PPFIA3: variants seen among roughly 807,000 people sequenced by gnomAD.
The protein encoded by PPFIA3 is liprin-alpha-3.
PPFIA3 carries 26 observed loss-of-function variants against 145.8 expected under a neutral mutation model. The observed-to-expected ratio is 0.18, with a 90% CI of 0.13 to 0.25. The LOEUF (loss-of-function observed/expected upper bound fraction) is 0.25. Among genes scored for constraint, PPFIA3 ranks in the 10% least tolerant of loss-of-function variants. PPFIA3 has a pLI of 1.00. For missense variants in PPFIA3, 1,008 were observed against 1,587.8 expected, an observed-to-expected ratio of 0.63 and a Z score of 6.21; for synonymous variants, 645 against 661.4, an observed-to-expected ratio of 0.98 and a Z score of 0.38.
chr19:49,128,940 G>T lies in PPFIA3; in HGVS notation c.435G>T (p.Gly145=), dbSNP rs773674031. ...VVKRQAQSPG[G]VSSEVEVLKA... Reference sequence around the variant, plus strand: ...AGCGCCAGGCCCAGTCCCCGGGTGGGGTCTCCTCGGAGGTAGAAGTGCTCA... The same window carrying T: ...AGCGCCAGGCCCAGTCCCCGGGTGGTGTCTCCTCGGAGGTAGAAGTGCTCA... The change falls in exon 4 of 30, where the codon GGG becomes GGT. Residue 145 remains glycine (G), a synonymous_variant. Coordinates refer to ENST00000334186, the MANE Select transcript of PPFIA3 (RefSeq NM_003660.4). This position sits in a 1 kb window ranked among gnomAD's most constrained non-coding sequence, Gnocchi z 4.1. 6.2e-7 allele frequency: 1 copy of T among 1,613,928 alleles called. No individual in the cohort carries two copies. Among genetic ancestry groups the T allele is most frequent in the Non-Finnish European group, 8.5e-7 (1 of 1,179,922 alleles).
At chr19:49,141,922 CGTGTGCGTATGTGCATGTGTGT>C in intron 19 of PPFIA3, 90 bp from the exon 20 acceptor site, 1 of 625,596 alleles carries the variant, frequency 1.6e-6, no homozygotes, top group East Asian at 3.3e-5. Flanking sequence ...ATAAAAGCTG[CGTGTGCGTATGTGCATGTGTGT>C]GTGTGTGTAT....
intron 19 of PPFIA3, 99 bp downstream of exon 19, chr19:49,141,612 G>A: frequency 1.1e-6 from 1 of 933,108 alleles, no homozygotes; most frequent in Non-Finnish European, 1.6e-6. Flanking sequence ...GTGTGTGTGT[G>A]TGTGAGAGGG....
At chr19:49,143,103 C>T in intron 21 of PPFIA3, 99 bp downstream of exon 21, 2 of 1,336,748 alleles carry the variant, frequency 1.5e-6, no homozygotes, top group East Asian at 2.5e-5. Flanking sequence ...CCCTGTCCCA[C>T]GACCCTGCTT....
intron 1 of PPFIA3, among the ~76,000 whole-genome samples, chr19:49,126,594 G>GAGT (rs2041002859): frequency 2.0e-5 from 3 of 148,078 alleles, no homozygotes; most frequent in Non-Finnish European, 4.5e-5. Context: ...TTCCCGAATG[G>GAGT]AGTAGGTCTT....
rs754584415 is a variant in PPFIA3 at position 49,139,692 on chromosome 19, G to A, written c.2101G>A (p.Gly701Arg). Reference sequence around the variant, plus strand: ...GAATCATGTCCCTAAGGAGGAAGCTGGAGCTCCACGAGGGGAGGGGCCGGC... The same window carrying A: ...GAATCATGTCCCTAAGGAGGAAGCTAGAGCTCCACGAGGGGAGGGGCCGGC... ...KANHVPKEEA[G>R]APRGEGPAIP... Residue 701 changes from glycine (G) to arginine (R), a missense_variant, in exon 17 of 30, where the codon GGA becomes AGA. Around this residue, in one of 11 missense-constraint regions of PPFIA3, gnomAD observed 202 missense variants for 241.8 expected, o/e 0.84. Transcript: ENST00000334186. 1 of 1,608,742 alleles carries A rather than the reference G, an allele frequency of 6.2e-7. No homozygotes were observed. Among genetic ancestry groups the A allele is most frequent in the Non-Finnish European group, 8.5e-7 (1 of 1,177,416 alleles).
intron 15 of PPFIA3, 34 bp downstream of exon 15, chr19:49,136,945 C>T: frequency 4.8e-6 from 7 of 1,458,722 alleles, no homozygotes; most frequent in Non-Finnish European, 6.4e-6. Flanking sequence ...CTGCCCTGCC[C>T]TGCCGGAGCT....
chr19:49,147,029 C>A (rs1039536328), intron 23 of PPFIA3, among the ~76,000 whole-genome samples: 1 of 152,304 alleles, frequency 6.6e-6, no homozygotes, highest in South Asian at 2.1e-4. Context: ...TCACATATTT[C>A]CAGCCAGGGG....
In PPFIA3 at chr19:49,149,413, C is replaced by T; in HGVS notation, c.3354+88C>T. 6.3e-7 allele frequency: 1 copy of T among 1,590,500 alleles called. No individual in the cohort carries two copies. The highest frequency in any genetic ancestry group is 8.6e-7 in the Non-Finnish European group (1 of 1,159,652). ...GGGGCGGGGCCTGACTATTAATGGT[C>T]ACGGTTGGAGGCGGGGCCAGGAGAG... On this transcript the variant is annotated intron_variant, in intron 27 of 29. Coordinates refer to ENST00000334186, the MANE Select transcript of PPFIA3 (RefSeq NM_003660.4). This position sits in a 1 kb window ranked among gnomAD's most constrained non-coding sequence, Gnocchi z 5.7.
At chr19:49,146,131 A>G in intron 22 of PPFIA3, 35 bp from the exon 23 acceptor site, 2 of 1,612,730 alleles carry the variant, frequency 1.2e-6, no homozygotes, top group South Asian at 1.1e-5. Context: ...CCCTTAACTC[A>G]CCCCTTCTCT....
Position 49,135,876 on chromosome 19 carries a change from G to A in PPFIA3, c.1618G>A (p.Ala540Thr). Residue 540 changes from alanine (A) to threonine (T), a missense_variant, in exon 14 of 30, where the codon GCA becomes ACA. By Grantham distance (58) the Ala-to-Thr change is moderately conservative (BLOSUM62 0). Coordinates refer to ENST00000334186, the MANE Select transcript of PPFIA3 (RefSeq NM_003660.4). ...TCCCTATGTGGCTGGCAGTGGTCGG[G>A]CAGGCAAGAGGGGCCGCTGGTCAGG... ...LDPYVAGSGR[A>T]GKRGRWSGVK... The A allele has an allele frequency of 6.2e-7, 1 of 1,613,604 alleles. No individual in the cohort carries two copies. Among genetic ancestry groups the A allele is most frequent in the Non-Finnish European group, 8.5e-7 (1 of 1,179,826 alleles).
intron 21 of PPFIA3, among the ~76,000 whole-genome samples, chr19:49,144,932 CTT>C (rs1228634412): frequency 1.5e-4 from 21 of 136,398 alleles, no homozygotes; most frequent in Admixed American, 2.2e-4. Context: ...TCTTTTCTTT[CTT>C]TTTTTTTTTT....
At chr19:49,147,291 C>T (rs1375506079) in intron 23 of PPFIA3, among the ~76,000 whole-genome samples, 1 of 151,956 alleles carries the variant, frequency 6.6e-6, no homozygotes, top group Non-Finnish European at 1.5e-5. Flanking sequence ...GTGGCACACA[C>T]CTGTAGTCTC....
At position 49,141,527 on chromosome 19, in the gene PPFIA3, AGT is replaced by A. The variant is rs1568439923; in HGVS notation, c.2462+18_2462+19del. 6.2e-7 allele frequency: 1 copy of A among 1,602,210 alleles called. No homozygotes were observed. The highest frequency in any genetic ancestry group is 1.1e-5 in the South Asian group (1 of 90,678). On this transcript the variant is annotated intron_variant, in intron 19 of 29. Transcript: ENST00000334186. ...GAACAAGAGGAAGTGAGTGTGTGTG[AGT>A]GTGAGCGTGTGTGTGTGTATGTGAA...
In PPFIA3 at chr19:49,142,089, G is replaced by A. The variant is rs779567605; in HGVS notation, c.2518G>A (p.Gly840Arg). The change falls in exon 20 of 30, where the codon GGG becomes AGG. Residue 840 changes from glycine (G) to arginine (R), a missense_variant. Transcript: ENST00000334186. ...GGGCCTACCTTTTGCTGCCTGGGAC[G>A]GGCCCACCGTGGTGTCCTGGCTGGA... ...RQGLPFAAWD[G>R]PTVVSWLELW... 6.3e-7 allele frequency: 1 copy of A among 1,576,656 alleles called. No homozygotes were observed. The highest frequency in any genetic ancestry group is 8.6e-7 in the Non-Finnish European group (1 of 1,160,874).
In PPFIA3 at chr19:49,146,385, A is replaced by C. The variant is rs1027752855; in HGVS notation, c.2835+193A>C. 7 of 671,544 alleles carry C rather than the reference A, an allele frequency of 1.0e-5. No homozygotes were observed. In the African/African-American group the frequency reaches 1.1e-4, roughly 10 times the overall value. 41.6% of individuals were successfully genotyped at this position (671,544 alleles called of 1,614,324 possible). A position where few individuals can be genotyped will look rare whatever the true frequency, so the allele number is the denominator to read the frequency against. On this transcript the variant is annotated intron_variant, in intron 23 of 29. Transcript: ENST00000334186. ...GGAGGGTAGAGGGGATGCGATGTGGAAGCCCAGACTGTTGCATAGTCAGCC... is the reference window on the plus strand; with the variant it reads ...GGAGGGTAGAGGGGATGCGATGTGGCAGCCCAGACTGTTGCATAGTCAGCC...
At position 49,139,662 on chromosome 19, in the gene PPFIA3, C is replaced by T. The variant is rs560403772; in HGVS notation, c.2077-6C>T. 1.9e-6 allele frequency: 3 copies of T among 1,579,190 alleles called. No homozygotes were observed. The highest frequency in any genetic ancestry group is 1.8e-5 in the Admixed American group (1 of 54,250). ...TCAATCCAGCATCTGTGCCCTCTGT[C>T]CTCAGAATCATGTCCCTAAGGAGGA... On this transcript the variant is annotated splice_polypyrimidine_tract_variant and splice_region_variant and intron_variant, in intron 16 of 29. Transcript: ENST00000334186.
rs2041336952 is a variant in PPFIA3 at position 49,150,596 on chromosome 19, C to G, written c.*374C>G. ...GCATGCGGGGAGAGGCTGCTCCCTC[C>G]CCTTTTTCCTGCCCAGTCGCGGGGC... On this transcript the variant is annotated 3_prime_UTR_variant, in exon 30 of 30. Transcript: ENST00000334186. 6.4e-6 allele frequency: 1 copy of G among 155,438 alleles called. No individual in the cohort carries two copies. The highest frequency in any genetic ancestry group is 1.4e-5 in the Non-Finnish European group (1 of 69,986). The allele number at this position is 155,438 out of a possible 1,614,324, so 9.6% of individuals were successfully genotyped here.
intron 23 of PPFIA3, 28 bp downstream of exon 23, chr19:49,146,220 G>A (rs751137824): frequency 1.2e-6 from 2 of 1,611,136 alleles, no homozygotes; most frequent in South Asian, 1.1e-5. Context: ...GGGCGTGAGC[G>A]CATGAACAGG....
At position 49,127,871 on chromosome 19, in the gene PPFIA3, G is replaced by C; in HGVS notation, c.-3G>C. On this transcript the variant is annotated 5_prime_UTR_variant, in exon 2 of 30. Coordinates refer to ENST00000334186, the MANE Select transcript of PPFIA3 (RefSeq NM_003660.4). Reference sequence around the variant, plus strand: ...CCCCGCCCCGCAGGCCCGCACCGCCGCCATGATGTGCGAGGTGATGCCCAC... The same window carrying C: ...CCCCGCCCCGCAGGCCCGCACCGCCCCCATGATGTGCGAGGTGATGCCCAC... 3.8e-6 allele frequency: 6 copies of C among 1,591,270 alleles called. No individual in the cohort carries two copies. The highest frequency in any genetic ancestry group is 5.1e-6 in the Non-Finnish European group (6 of 1,177,550).
Sources: allele counts gnomAD v4.1 joint callset (sites outside exome capture counted in the v4.1 genomes callset), GRCh38; gene constraint gnomAD v4.1.1; regional missense constraint gnomAD v4.1.1; non-coding constraint Gnocchi (gnomAD v3.1); transcripts MANE v1.5; gene names NCBI Gene and HGNC (gene_info 2026-07-23, HGNC 2026-07-21).